GALNT13: variants seen among roughly 807,000 people sequenced by gnomAD.
GALNT13 encodes the protein UDP-GalNAc:polypeptide N-acetylgalactosaminyltransferase 13.
A neutral mutation model predicts 64.2 loss-of-function variants in GALNT13; 28 were observed. The observed-to-expected ratio is 0.44, with a 90% CI of 0.32 to 0.60. The LOEUF is 0.60. Among genes scored for constraint, GALNT13 ranks in the 20% least tolerant of loss-of-function variants. The pLI, the probability that GALNT13 is intolerant of heterozygous loss-of-function variation, is 0.05. For synonymous variants in GALNT13, 214 were observed against 224.6 expected (o/e 0.95, Z 0.42); for missense variants, 577 against 669.8 (o/e 0.86, Z 1.53).
chr2:153,573,066 T>G, the GALNT13 span, among the ~76,000 whole-genome samples: 1 of 151,922 alleles, frequency 6.6e-6, no homozygotes, highest in East Asian at 1.9e-4. Context: ...TTATTGTATT[T>G]TGGTTTATAT....
intron 3 of GALNT13, among the ~76,000 whole-genome samples, chr2:154,098,003 C>T (rs541101872): frequency 0.01 from 1,553 of 151,742 alleles, 13 homozygotes; most frequent in South Asian, 0.018. Flanking sequence ...AGACTGGAGA[C>T]GTGACCAAAC....
intron 2 of GALNT13, among the ~76,000 whole-genome samples, chr2:153,942,915 T>G (rs1335600107): frequency 6.6e-6 from 1 of 152,196 alleles, no homozygotes; most frequent in East Asian, 1.9e-4. Context: ...TATACTTTGA[T>G]GTTTTTGAGA....
At chr2:153,239,582 A>G in the GALNT13 span, among the ~76,000 whole-genome samples, 1 of 152,118 alleles carries the variant, frequency 6.6e-6, no homozygotes. Context: ...CATCAGTTGA[A>G]ATAATCTTGT....
At chr2:153,716,994 A>T in the GALNT13 span, among the ~76,000 whole-genome samples, 1 of 152,008 alleles carries the variant, frequency 6.6e-6, no homozygotes. Flanking sequence ...CCTGCCTGTC[A>T]TCTAGCATGC....
At chr2:153,462,587 A>G in the GALNT13 span, among the ~76,000 whole-genome samples, 1 of 152,110 alleles carries the variant, frequency 6.6e-6, no homozygotes, top group African/African-American at 2.4e-5. Flanking sequence ...CTTTTAATCA[A>G]TCACTGAAAT....
chr2:153,540,210 C>T, the GALNT13 span, among the ~76,000 whole-genome samples: 1 of 152,180 alleles, frequency 6.6e-6, no homozygotes, highest in South Asian at 2.1e-4. Flanking sequence ...TCAGCCATGT[C>T]TAAAAGGGGC....
At chr2:154,192,463 G>A (rs1353482692) in intron 4 of GALNT13, among the ~76,000 whole-genome samples, 1 of 152,148 alleles carries the variant, frequency 6.6e-6, no homozygotes, top group Non-Finnish European at 1.5e-5. Context: ...CATGGACCAT[G>A]AAGTCAGCCA....
chr2:153,162,776 A>G, the GALNT13 span, among the ~76,000 whole-genome samples: 1 of 152,226 alleles, frequency 6.6e-6, no homozygotes, highest in East Asian at 1.9e-4. Flanking sequence ...TGAGATGAAT[A>G]TAAGTTGATC....
chr2:153,708,827 C>A, the GALNT13 span, among the ~76,000 whole-genome samples: 1 of 151,922 alleles, frequency 6.6e-6, no homozygotes, highest in Admixed American at 6.6e-5. Flanking sequence ...AATAGAGAAC[C>A]CAGAAATAAA....
the GALNT13 span, among the ~76,000 whole-genome samples, chr2:153,523,050 T>TTTA: frequency 6.8e-6 from 1 of 147,768 alleles, no homozygotes; most frequent in African/African-American, 2.5e-5. Flanking sequence ...ACTATTTTTT[T>TTTA]TTTTTTTTTT....
chr2:153,999,811 A>C (rs934674831), intron 3 of GALNT13, among the ~76,000 whole-genome samples: 15 of 152,038 alleles, frequency 9.9e-5, no homozygotes, highest in African/African-American at 3.6e-4. Flanking sequence ...TTTTGGTATC[A>C]GGGTAGTGAT....
intron 3 of GALNT13, among the ~76,000 whole-genome samples, chr2:154,085,341 T>C (rs1701470978): frequency 2.0e-5 from 3 of 152,120 alleles, no homozygotes; most frequent in South Asian, 2.1e-4. Flanking sequence ...GTAAGAGTAA[T>C]GTGTAAATGA....
At chr2:153,421,988 A>G in the GALNT13 span, 3 of 154,082 alleles carry the variant, frequency 1.9e-5, no homozygotes, top group East Asian at 1.9e-4. Flanking sequence ...AGCAAAAGTC[A>G]GAAGATACTG....
At chr2:154,146,192 A>C (rs1366194735) in intron 4 of GALNT13, among the ~76,000 whole-genome samples, 1 of 151,746 alleles carries the variant, frequency 6.6e-6, no homozygotes, top group African/African-American at 2.4e-5. Context: ...ACATATATAC[A>C]TACACACTTG....
the GALNT13 span, among the ~76,000 whole-genome samples, chr2:153,523,149 A>G: frequency 6.7e-6 from 1 of 150,056 alleles, no homozygotes; most frequent in Non-Finnish European, 1.5e-5. Flanking sequence ...CCTTTGTCAA[A>G]GATCAATTGA....
At chr2:153,617,293 A>G in the GALNT13 span, among the ~76,000 whole-genome samples, 8 of 152,168 alleles carry the variant, frequency 5.3e-5, no homozygotes, top group South Asian at 1.7e-3. Context: ...AATTTTATCA[A>G]CTGCTTTTCA....
rs139875022 is a variant in GALNT13 at position 154,087,937 on chromosome 2, G to A, written c.143-52400G>A. 5.2e-3 allele frequency among the ~76,000 whole-genome samples: 789 copies of A among 152,112 alleles called. 11 individuals carry two copies. Among genetic ancestry groups the A allele is most frequent in the African/African-American group, 0.018 (757 of 41,518 alleles). On this transcript the variant is annotated intron_variant, in intron 3 of 12. Coordinates refer to ENST00000392825, the MANE Select transcript of GALNT13 (RefSeq NM_052917.4). The stretch of plus-strand genomic sequence containing the variant: ...TGTAGCACTTTTGTAGAAACTCCTG[G>A]CTTTATGTTACTGTCTCTCACTTTC...
chr2:153,837,968 A>G, the GALNT13 span, among the ~76,000 whole-genome samples: 1 of 152,018 alleles, frequency 6.6e-6, no homozygotes, highest in African/African-American at 2.4e-5. Flanking sequence ...CCTTTCTAAC[A>G]AGTGTGAGGT....
the GALNT13 span, among the ~76,000 whole-genome samples, chr2:153,674,205 A>G: frequency 6.6e-6 from 1 of 152,180 alleles, no homozygotes; most frequent in African/African-American, 2.4e-5. Context: ...AAAGTAGTTT[A>G]AAGTTCATAT....
Sources: allele counts gnomAD v4.1 joint callset (sites outside exome capture counted in the v4.1 genomes callset), GRCh38; gene constraint gnomAD v4.1.1; transcripts MANE v1.5; gene names NCBI Gene and HGNC (gene_info 2026-07-23, HGNC 2026-07-21).